Variants in GCLC observed in about 807,000 individuals in gnomAD.
GCLC encodes glutamate-cysteine ligase catalytic subunit, also known as glutamate--cysteine ligase catalytic subunit.
A neutral mutation model predicts 81.5 loss-of-function variants in GCLC; 30 were observed. The ratio of observed to expected loss-of-function variants is 0.37; its 90% CI spans 0.28 to 0.50. The LOEUF is 0.50. Among genes scored for constraint, GCLC ranks in the 20% least tolerant of loss-of-function variants. GCLC has a pLI of 0.96. For missense variants in GCLC, 556 were observed against 777.4 expected (o/e 0.72, Z 3.39); for synonymous variants, 262 against 273.3 (o/e 0.96, Z 0.41).
chr6:53,530,383 A>G (rs569130074), intron 1 of GCLC, among the ~76,000 whole-genome samples: 2 of 152,272 alleles, frequency 1.3e-5, no homozygotes, highest in African/African-American at 2.4e-5. Flanking sequence ...GATTTGGAAG[A>G]TTTAGGTTTT....
intron 12 of GCLC, 37 bp from the exon 13 acceptor site, chr6:53,500,550 T>C (rs941544227): frequency 1.4e-6 from 2 of 1,428,734 alleles, no homozygotes; most frequent in Admixed American, 3.3e-5. Context: ...AGTCAAAATA[T>C]TCTTGATCAG....
chr6:53,528,760 C>T (rs1763125029), intron 1 of GCLC, among the ~76,000 whole-genome samples: 1 of 152,158 alleles, frequency 6.6e-6, no homozygotes, highest in Admixed American at 6.6e-5. Context: ...ATTTATAACA[C>T]ATTAATCTCA....
intron 1 of GCLC, chr6:53,524,078 T>A (rs1365922160): frequency 6.6e-6 from 1 of 152,224 alleles, no homozygotes; most frequent in Non-Finnish European, 1.5e-5. Context: ...GAAAACTTGG[T>A]TGAGTCTCAG....
intron 12 of GCLC, among the ~76,000 whole-genome samples, chr6:53,502,414 G>T (rs1764531091): frequency 6.6e-6 from 1 of 152,154 alleles, no homozygotes; most frequent in African/African-American, 2.4e-5. Flanking sequence ...ACTTGTCCAG[G>T]TTAAAAGCCT....
intron 1 of GCLC, among the ~76,000 whole-genome samples, chr6:53,525,197 A>T (rs531557): frequency 0.55 from 84,036 of 152,058 alleles, 24,162 homozygotes; most frequent in African/African-American, 0.71. Context: ...GTCACCTTGA[A>T]CTTTCTGCAC....
intron 1 of GCLC, among the ~76,000 whole-genome samples, chr6:53,541,342 G>A (rs1763351202): frequency 6.6e-6 from 1 of 152,192 alleles, no homozygotes; most frequent in Non-Finnish European, 1.5e-5. Flanking sequence ...TGCCATGGCA[G>A]GAGGAAAAAG....
intron 1 of GCLC, among the ~76,000 whole-genome samples, chr6:53,542,142 C>G (rs762881834): frequency 6.6e-6 from 1 of 152,186 alleles, no homozygotes; most frequent in Admixed American, 6.5e-5. Flanking sequence ...CGGGCCACCA[C>G]GCCCAGCCAT....
At chr6:53,531,342 T>G (rs563501753) in intron 1 of GCLC, among the ~76,000 whole-genome samples, 409 of 152,274 alleles carry the variant, frequency 2.7e-3, no homozygotes, top group Non-Finnish European at 4.2e-3. Context: ...TGCTGTTTCG[T>G]GGAAATGTTG....
At position 53,532,274 on chromosome 6, in the gene GCLC, G is replaced by C. The variant is rs192103306; in HGVS notation, c.151-9747C>G. ...AAGGCCACATCTGGACCTGCTTTGG[G>C]CAGCTCCTCTCTCGACTGCGCCCTC... On this transcript the variant is annotated intron_variant, in intron 1 of 15. Transcript: ENST00000650454. 2.0e-5 allele frequency among the ~76,000 whole-genome samples: 3 copies of C among 152,344 alleles called. No individual in the cohort carries two copies. In the East Asian group the frequency reaches 5.8e-4, roughly 29 times the overall value.
At position 53,544,955 on chromosome 6, in the gene GCLC, GGCGGCGGCGGACCCCACGGCCGCGCTGCC is replaced by G. The variant is rs909593553; in HGVS notation, c.-339_-311del. ...GCTGCTCCTCCTCCCGCTCCGATGC[GGCGGCGGCGGACCCCACGGCCGCGCTGCC>G]GCGGCGGCTCCCGCTTCTCTTTGCC... On this transcript the variant is annotated 5_prime_UTR_variant, in exon 1 of 16. Coordinates refer to ENST00000650454, the MANE Select transcript of GCLC (RefSeq NM_001498.4). The G allele has an allele frequency of 4.7e-6, 1 of 211,824 alleles. No homozygotes were observed. The highest frequency in any genetic ancestry group is 9.3e-6 in the Non-Finnish European group (1 of 107,622). 13.1% of individuals were successfully genotyped at this position (211,824 alleles called of 1,614,324 possible).
At chr6:53,501,822 G>A (rs1340921642) in intron 12 of GCLC, among the ~76,000 whole-genome samples, 4 of 151,858 alleles carry the variant, frequency 2.6e-5, no homozygotes, top group African/African-American at 9.7e-5. Flanking sequence ...AGTTCATAAC[G>A]ACCACTTATA....
In GCLC at chr6:53,508,646, T is replaced by C; in HGVS notation, c.894A>G (p.Gly298=). The C allele has an allele frequency of 1.2e-6, 2 of 1,613,702 alleles. No homozygotes were observed. Among genetic ancestry groups the C allele is most frequent in the Non-Finnish European group, 1.7e-6 (2 of 1,179,700 alleles). The change falls in exon 8 of 16, where the codon GGA becomes GGG. Residue 298 remains glycine, a synonymous_variant. Coordinates refer to ENST00000650454, the MANE Select transcript of GCLC (RefSeq NM_001498.4). The part of the protein sequence containing the change: ...GYVSDIDCRW[G]VISASVDDRT... ...TATCATCTACAGATGCAGAAATCAC[T>C]CCCCAGCGACAATCAATGTCTGACA...
chr6:53,544,420 G>A, intron 1 of GCLC, 76 bp downstream of exon 1: 3 of 1,487,942 alleles, frequency 2.0e-6, no homozygotes, highest in South Asian at 2.3e-5. Context: ...TAGGGCCGGG[G>A]GCGTAGGGCA....
chr6:53,500,031 A>T lies in GCLC; in HGVS notation c.1702+14T>A. 1 of 1,571,250 alleles carries T rather than the reference A, an allele frequency of 6.4e-7. No individual in the cohort carries two copies. The highest frequency in any genetic ancestry group is 8.8e-7 in the Non-Finnish European group (1 of 1,141,016). On this transcript the variant is annotated intron_variant, in intron 15 of 15. Coordinates refer to ENST00000650454, the MANE Select transcript of GCLC (RefSeq NM_001498.4). ...CTGTCTATATTATGAGATTAAGAAA[A>T]ATAGATATCATACCAGATGCTCTCT...
At chr6:53,536,191 C>G (rs891228922) in intron 1 of GCLC, among the ~76,000 whole-genome samples, 1 of 152,136 alleles carries the variant, frequency 6.6e-6, no homozygotes, top group Admixed American at 6.5e-5. Flanking sequence ...AGAGGATATG[C>G]TGGATGATTT....
chr6:53,526,783 G>A (rs1194383605), intron 1 of GCLC, among the ~76,000 whole-genome samples: 3 of 122,182 alleles, frequency 2.5e-5, no homozygotes, highest in African/African-American at 9.6e-5. Flanking sequence ...GGGTGACAGA[G>A]CAAGACTCCG....
chr6:53,543,462 A>G (rs539481795), intron 1 of GCLC, among the ~76,000 whole-genome samples: 1 of 152,130 alleles, frequency 6.6e-6, no homozygotes, highest in Non-Finnish European at 1.5e-5. Context: ...AAAAAAAACT[A>G]ACTTTTTGAA....
At chr6:53,542,958 G>A (rs1254992649) in intron 1 of GCLC, among the ~76,000 whole-genome samples, 6 of 151,642 alleles carry the variant, frequency 4.0e-5, no homozygotes, top group African/African-American at 9.7e-5. Context: ...GCAGTGAGCC[G>A]AGATCACACC....
chr6:53,537,157 A>G (rs1416972142), intron 1 of GCLC, among the ~76,000 whole-genome samples: 2 of 152,194 alleles, frequency 1.3e-5, no homozygotes, highest in Non-Finnish European at 2.9e-5. Context: ...ACACTCTTTA[A>G]GGCAGTTTCT....
Sources: allele counts gnomAD v4.1 joint callset (sites outside exome capture counted in the v4.1 genomes callset), GRCh38; gene constraint gnomAD v4.1.1; transcripts MANE v1.5; gene names NCBI Gene and HGNC (gene_info 2026-07-23, HGNC 2026-07-21).